Variants in WDPCP observed in about 807,000 individuals in gnomAD.
WDPCP encodes WD repeat containing planar cell polarity effector, also known as WD repeat-containing and planar cell polarity effector protein fritz homolog.
In WDPCP, 71 loss-of-function variants were observed where a neutral mutation model predicts 93.1. That is an observed-to-expected ratio of 0.76 (90% CI 0.63 to 0.93). WDPCP has a LOEUF of 0.93. WDPCP is among the 40% of genes least tolerant of loss of function. The pLI is 0.00. For synonymous variants in WDPCP, 315 were observed against 315.0 expected, an observed-to-expected ratio of 1.00 and a Z score of 0.00; for missense variants, 844 against 887.4, an observed-to-expected ratio of 0.95 and a Z score of 0.62.
chr2:63,657,178 G>A (rs771165758), intron 2 of WDPCP, among the ~76,000 whole-genome samples: 15 of 147,868 alleles, frequency 1.0e-4, no homozygotes, highest in South Asian at 2.2e-4. Flanking sequence ...AGGGTTTTGC[G>A]TACAGATGAG....
chr2:63,758,306 G>A (rs189265905), intron 2 of WDPCP, among the ~76,000 whole-genome samples: 40 of 152,026 alleles, frequency 2.6e-4, no homozygotes, highest in African/African-American at 8.4e-4. Flanking sequence ...GCAAAGAAGA[G>A]TGAAAGACAG....
chr2:63,465,330 G>A (rs1406025326), intron 6 of WDPCP, among the ~76,000 whole-genome samples: 2 of 151,996 alleles, frequency 1.3e-5, no homozygotes, highest in African/African-American at 4.8e-5. Flanking sequence ...AGCTGGGAAA[G>A]CCAAAATTTG....
chr2:63,447,300 A>G (rs17027904), intron 6 of WDPCP, among the ~76,000 whole-genome samples: 3,097 of 152,232 alleles, frequency 0.02, 119 homozygotes, highest in African/African-American at 0.071. Flanking sequence ...GAACCCAGAG[A>G]GCACAAACTT....
intron 1 of WDPCP, among the ~76,000 whole-genome samples, chr2:63,575,514 A>G (rs1355955480): frequency 1.0e-5 from 1 of 96,114 alleles, no homozygotes; most frequent in African/African-American, 4.6e-5. Flanking sequence ...TACACTGTAT[A>G]TATAGTATAT....
At chr2:63,706,681 A>G (rs1669160173) in intron 2 of WDPCP, among the ~76,000 whole-genome samples, 2 of 143,250 alleles carry the variant, frequency 1.4e-5, no homozygotes, top group South Asian at 4.4e-4. Context: ...CAGTGGCGCA[A>G]TCTCGGCTCA....
At chr2:63,320,783 AGT>A in intron 12 of WDPCP, among the ~76,000 whole-genome samples, 1 of 8,016 alleles carries the variant, frequency 1.2e-4, no homozygotes, top group African/African-American at 4.3e-3. Context: ...AACAAAAATT[AGT>A]AAAAATTAGT....
chr2:63,594,597 G>A lies in WDPCP; in HGVS notation n.488+56062C>T, dbSNP rs376853222. ...TTTGGTAAAGATCAGGTAGGAACAG[G>A]TGTCTATAAATCTTAAGTTATTAGA... On this transcript the variant is annotated intron_variant and non_coding_transcript_variant, in intron 3 of 4. Coordinates refer to the WDPCP transcript ENST00000467687. 1,897 of 1,570,460 alleles carry A rather than the reference G, an allele frequency of 1.2e-3. 3 individuals are homozygous for A. Among genetic ancestry groups the A allele is most frequent in the Non-Finnish European group, 1.5e-3 (1,744 of 1,142,158 alleles).
At chr2:63,604,577 G>A in intron 3 of WDPCP, 1 of 775,744 alleles carries the variant, frequency 1.3e-6, no homozygotes, top group Non-Finnish European at 2.0e-6. Flanking sequence ...TATAACTCTT[G>A]TGTTCTCTTG....
At chr2:63,416,202 T>TC (rs1695406734) in intron 9 of WDPCP, among the ~76,000 whole-genome samples, 1 of 150,254 alleles carries the variant, frequency 6.7e-6, no homozygotes, top group African/African-American at 2.4e-5. Flanking sequence ...TTTTTTTCCT[T>TC]TTTTTTTTTT....
chr2:63,322,908 C>T (rs994327735), intron 12 of WDPCP, among the ~76,000 whole-genome samples: 3 of 152,222 alleles, frequency 2.0e-5, no homozygotes, highest in East Asian at 3.9e-4. Flanking sequence ...AGGCACCTGT[C>T]GGCCAGTTAA....
chr2:63,241,702 G>A (rs1162261572), intron 14 of WDPCP, among the ~76,000 whole-genome samples: 1 of 152,110 alleles, frequency 6.6e-6, no homozygotes, highest in Non-Finnish European at 1.5e-5. Flanking sequence ...GGGCTCAAAT[G>A]ATGTTCTATC....
intron 12 of WDPCP, among the ~76,000 whole-genome samples, chr2:63,337,766 T>C (rs7567088): frequency 0.8 from 121,891 of 152,170 alleles, 49,693 homozygotes; most frequent in East Asian, 0.96. Context: ...TTGAACAGTT[T>C]TTCCACATAT....
chr2:63,387,709 A>G (rs1447177771), intron 10 of WDPCP, among the ~76,000 whole-genome samples: 1 of 138,304 alleles, frequency 7.2e-6, no homozygotes, highest in Non-Finnish European at 1.6e-5. Context: ...AGAAAATATG[A>G]TTCTATACCT....
chr2:63,475,108 C>T (rs1699901274), intron 6 of WDPCP, among the ~76,000 whole-genome samples: 1 of 152,094 alleles, frequency 6.6e-6, no homozygotes, highest in African/African-American at 2.4e-5. Flanking sequence ...GTAGCCCCTA[C>T]ACAGTATTAT....
At chr2:63,491,893 T>A (rs1045603184) in intron 2 of WDPCP, among the ~76,000 whole-genome samples, 5 of 152,114 alleles carry the variant, frequency 3.3e-5, no homozygotes, top group Non-Finnish European at 5.9e-5. Flanking sequence ...TCTCTGCTAA[T>A]TCCTCTTTCC....
At chr2:63,291,908 C>T (rs1241696310) in intron 13 of WDPCP, among the ~76,000 whole-genome samples, 10 of 151,012 alleles carry the variant, frequency 6.6e-5, no homozygotes, top group Admixed American at 1.3e-4. Context: ...CCGAGGAGGG[C>T]GGATCATGAG....
At chr2:63,794,665 A>T (rs978173193) in intron 2 of WDPCP, among the ~76,000 whole-genome samples, 2 of 152,088 alleles carry the variant, frequency 1.3e-5, no homozygotes, top group African/African-American at 4.8e-5. Context: ...GGCCTATTCT[A>T]CCTCTAGACT....
In WDPCP at chr2:63,121,838, G is replaced by A; in HGVS notation, c.*168C>T. The A allele has an allele frequency of 7.2e-7, 1 of 1,395,858 alleles. No homozygotes were observed. The allele number at this position is 1,395,858 out of a possible 1,614,324, so 86.5% of individuals were successfully genotyped here. On this transcript the variant is annotated 3_prime_UTR_variant, in exon 18 of 18. Transcript: ENST00000272321. ...CTTTGCTGTTATGCTGCATGTTTTT[G>A]AAATAATAAAACTTTATTTTGAAAA...
At chr2:63,592,317 T>C (rs1386115364), upstream of WDPCP, among the ~76,000 whole-genome samples, 2 of 152,184 alleles carry the variant, frequency 1.3e-5, no homozygotes, top group African/African-American at 4.8e-5. Flanking sequence ...ACATAATATA[T>C]ATGAATAAAA....
Sources: gnomAD v4.1 joint callset for allele counts (sites outside exome capture counted in the v4.1 genomes callset) on GRCh38, gnomAD v4.1.1 for gene constraint, MANE v1.5 for transcripts, NCBI Gene and HGNC (gene_info 2026-07-23, HGNC 2026-07-21) for gene names.